Variants in MITF observed in about 807,000 individuals in gnomAD.
MITF encodes melanocyte inducing transcription factor.
A neutral mutation model predicts 60.5 loss-of-function variants in MITF; 17 were observed. That is an observed-to-expected ratio of 0.28 (90% CI 0.19 to 0.42). The LOEUF is 0.42. Ranked by LOEUF, MITF falls within the 10% of genes least tolerant of loss-of-function variation. The pLI, the probability that MITF is intolerant of heterozygous loss-of-function variation, is 1.00. For missense variants in MITF, 622 were observed against 683.5 expected (o/e 0.91, Z 1.00); for synonymous variants, 260 against 248.5 (o/e 1.05, Z -0.43).
chr3:69,809,383 A>T (rs553787921), intron 1 of MITF, among the ~76,000 whole-genome samples: 28 of 152,142 alleles, frequency 1.8e-4, no homozygotes, highest in Non-Finnish European at 3.7e-4. Flanking sequence ...GATATCATTT[A>T]GGATGCCAGA....
chr3:69,751,042 A>G (rs941307518), intron 1 of MITF, among the ~76,000 whole-genome samples: 3 of 152,148 alleles, frequency 2.0e-5, no homozygotes, highest in Admixed American at 6.5e-5. Context: ...TACTACCATA[A>G]GGAGCCCTGG....
chr3:69,816,161 A>G lies in MITF; in HGVS notation c.105-62973A>G, dbSNP rs113441883. On this transcript the variant is annotated intron_variant, in intron 1 of 9. Coordinates refer to ENST00000352241, the MANE Select transcript of MITF (RefSeq NM_001354604.2). ...TGTTTGCCCAGGACAGTGACATCTCACCCTCTGCATATACACATTACTATT... is the reference window on the plus strand; with the variant it reads ...TGTTTGCCCAGGACAGTGACATCTCGCCCTCTGCATATACACATTACTATT... 6.7e-3 allele frequency among the ~76,000 whole-genome samples: 1,012 copies of G among 152,176 alleles called. 8 individuals carry two copies. Among genetic ancestry groups the G allele is most frequent in the African/African-American group, 0.022 (905 of 41,504 alleles).
chr3:69,928,861 G>A (rs2065651784), intron 2 of MITF, among the ~76,000 whole-genome samples: 1 of 152,290 alleles, frequency 6.6e-6, no homozygotes, highest in African/African-American at 2.4e-5. Flanking sequence ...AGAGGTGAAA[G>A]CAAATCTCAG....
chr3:69,874,408 ATAT>A (rs1378045136), intron 1 of MITF, among the ~76,000 whole-genome samples: 2 of 152,188 alleles, frequency 1.3e-5, no homozygotes, highest in African/African-American at 4.8e-5. Context: ...TCATGGTTTA[ATAT>A]TATTATTTTT....
intron 1 of MITF, among the ~76,000 whole-genome samples, chr3:69,854,175 C>T (rs558005819): frequency 3.1e-4 from 47 of 152,188 alleles, no homozygotes; most frequent in African/African-American, 9.6e-4. Context: ...TCATTAATCC[C>T]TGGACCCACT....
At chr3:69,797,765 A>G (rs895268601) in intron 1 of MITF, among the ~76,000 whole-genome samples, 1 of 152,194 alleles carries the variant, frequency 6.6e-6, no homozygotes, top group Non-Finnish European at 1.5e-5. Context: ...GAAATACCCA[A>G]CATTTTTCAT....
chr3:69,748,504 G>C (rs538390994), intron 1 of MITF, among the ~76,000 whole-genome samples: 1 of 152,336 alleles, frequency 6.6e-6, no homozygotes, highest in South Asian at 2.1e-4. Flanking sequence ...GCCTCCCAAA[G>C]TGCAAGGATT....
chr3:69,793,961 T>C (rs2062786652), intron 1 of MITF, among the ~76,000 whole-genome samples: 1 of 152,212 alleles, frequency 6.6e-6, no homozygotes, highest in Non-Finnish European at 1.5e-5. Flanking sequence ...AGGAATGCCA[T>C]TTGCGTCTGA....
At chr3:69,890,931 C>G (rs1378017731) in intron 2 of MITF, among the ~76,000 whole-genome samples, 1 of 152,086 alleles carries the variant, frequency 6.6e-6, no homozygotes, top group African/African-American at 2.4e-5. Context: ...TTACAAAAAG[C>G]AAGAAAGCCA....
At chr3:69,878,508 G>C (rs1345984225) in intron 1 of MITF, among the ~76,000 whole-genome samples, 1 of 152,116 alleles carries the variant, frequency 6.6e-6, no homozygotes, top group African/African-American at 2.4e-5. Flanking sequence ...AGAAGTATTG[G>C]CTTGTCAGAC....
chr3:69,965,478 G>C lies in MITF; in HGVS notation c.*230G>C. 1 of 463,876 alleles carries C rather than the reference G, an allele frequency of 2.2e-6. No individual in the cohort carries two copies. 28.7% of individuals were successfully genotyped at this position (463,876 alleles called of 1,614,324 possible). On this transcript the variant is annotated 3_prime_UTR_variant, in exon 10 of 10. Transcript: ENST00000352241. ...AAAGTATTGTACAAATAAGTGTGCAGTATCTGTGAACTGAATTCACCACAG... is the reference window on the plus strand; with the variant it reads ...AAAGTATTGTACAAATAAGTGTGCACTATCTGTGAACTGAATTCACCACAG...
chr3:69,749,744 T>C (rs1266213134), intron 1 of MITF, among the ~76,000 whole-genome samples: 2 of 152,220 alleles, frequency 1.3e-5, no homozygotes, highest in African/African-American at 4.8e-5. Flanking sequence ...GGATAACTTG[T>C]AAGAGGTCGG....
At chr3:69,777,513 A>C (rs2062493329) in intron 1 of MITF, among the ~76,000 whole-genome samples, 2 of 152,180 alleles carry the variant, frequency 1.3e-5, no homozygotes, top group South Asian at 4.1e-4. Flanking sequence ...TGTTTGAGAA[A>C]AGCAGGGCTT....
In MITF at chr3:69,796,652, G is replaced by A. The variant is rs549930565; in HGVS notation, c.104+56951G>A. ...CTCCCAAGTAGCTGGGACTACAGGC[G>A]CCCGCCACCGCGCCCGGCTAATTTT... On this transcript the variant is annotated intron_variant, in intron 1 of 9. Transcript: ENST00000352241. Among the ~76,000 whole-genome samples, 16 of 151,216 alleles carry A rather than the reference G, an allele frequency of 1.1e-4. No homozygotes were observed. In the South Asian group the frequency reaches 1.3e-3, roughly 12 times the overall value.
At chr3:69,953,660 TATAGAGAGAG>T (rs1423527665) in intron 7 of MITF, among the ~76,000 whole-genome samples, 7 of 135,758 alleles carry the variant, frequency 5.2e-5, no homozygotes, top group South Asian at 5.4e-4. Flanking sequence ...TATATATATA[TATAGAGAGAG>T]AGAGAGAGAG....
At chr3:69,758,890 C>T in intron 1 of MITF, 1 of 214,316 alleles carries the variant, frequency 4.7e-6, no homozygotes, top group East Asian at 7.0e-5. Context: ...TAAAATGGAG[C>T]TAATGGCATG....
intron 1 of MITF, among the ~76,000 whole-genome samples, chr3:69,739,953 G>C (rs1164558911): frequency 6.6e-6 from 1 of 152,104 alleles, no homozygotes; most frequent in African/African-American, 2.4e-5. Flanking sequence ...GTCCAGGCGC[G>C]GGGACCCTCG....
At chr3:69,877,982 A>T (rs577425148) in intron 1 of MITF, among the ~76,000 whole-genome samples, 2 of 152,212 alleles carry the variant, frequency 1.3e-5, no homozygotes, top group Non-Finnish European at 2.9e-5. Flanking sequence ...TAAAAAATAT[A>T]TATAGAGAGA....
At chr3:69,816,207 C>T (rs1436616785) in intron 1 of MITF, among the ~76,000 whole-genome samples, 1 of 152,144 alleles carries the variant, frequency 6.6e-6, no homozygotes, top group Non-Finnish European at 1.5e-5. Flanking sequence ...CTCAGGGACA[C>T]ACCTAGAAAG....
Sources: allele counts gnomAD v4.1 joint callset (sites outside exome capture counted in the v4.1 genomes callset), GRCh38; gene constraint gnomAD v4.1.1; transcripts MANE v1.5; gene names NCBI Gene and HGNC (gene_info 2026-07-23, HGNC 2026-07-21).